MGAT4C: variants seen among roughly 807,000 people sequenced by gnomAD.
MGAT4C encodes alpha-1,3-mannosyl-glycoprotein 4-beta-N-acetylglucosaminyltransferase C.
Under a neutral mutation model 40.1 loss-of-function variants are expected in MGAT4C, and 19 were observed. That is an observed-to-expected ratio of 0.47 (90% CI 0.33 to 0.70). MGAT4C has a LOEUF of 0.70. MGAT4C is among the 30% of genes least tolerant of loss of function. The probability of loss-of-function intolerance (pLI) is 0.02; values close to 1 mark genes in which losing one functional copy is unlikely to be tolerated. For missense variants in MGAT4C, 491 were observed against 563.2 expected (o/e 0.87, Z 1.30); for synonymous variants, 181 against 187.1 (o/e 0.97, Z 0.27).
intron 1 of MGAT4C, among the ~76,000 whole-genome samples, chr12:86,255,159 T>C (rs1952465500): frequency 6.6e-6 from 1 of 152,146 alleles, no homozygotes; most frequent in Non-Finnish European, 1.5e-5. Flanking sequence ...CTAGGAGGAA[T>C]GGAGATGCTA....
chr12:86,505,296 A>G (rs1958452949), intron 2 of MGAT4C, among the ~76,000 whole-genome samples: 1 of 152,208 alleles, frequency 6.6e-6, no homozygotes, highest in Non-Finnish European at 1.5e-5. Context: ...GAATTCAGAT[A>G]CTAGTCTTCC....
At chr12:86,409,046 T>A (rs1956549101) in intron 3 of MGAT4C, among the ~76,000 whole-genome samples, 1 of 152,118 alleles carries the variant, frequency 6.6e-6, no homozygotes. Context: ...GGAAACTAAA[T>A]ATCTAAGGCA....
At chr12:86,484,908 T>C (rs141116583) in intron 2 of MGAT4C, among the ~76,000 whole-genome samples, 1 of 152,086 alleles carries the variant, frequency 6.6e-6, no homozygotes, top group Non-Finnish European at 1.5e-5. Flanking sequence ...AAATACAATA[T>C]AGCCACACAG....
At chr12:86,681,854 G>C (rs1218574905) in intron 2 of MGAT4C, among the ~76,000 whole-genome samples, 1 of 152,014 alleles carries the variant, frequency 6.6e-6, no homozygotes, top group Non-Finnish European at 1.5e-5. Context: ...TGAGCTTTCA[G>C]AGAGATTTCT....
At chr12:86,288,758 G>A (rs1953423772) in intron 4 of MGAT4C, among the ~76,000 whole-genome samples, 1 of 151,844 alleles carries the variant, frequency 6.6e-6, no homozygotes, top group Non-Finnish European at 1.5e-5. Context: ...TTTTTAATGG[G>A]GTTGTTTTTC....
intron 2 of MGAT4C, chr12:86,015,829 T>C (rs1220342237): frequency 2.0e-5 from 3 of 152,224 alleles, no homozygotes; most frequent in African/African-American, 7.2e-5. Context: ...ATTGACCAAT[T>C]ACTTTTATTT....
At chr12:86,805,038 A>T (rs1038549643) in intron 1 of MGAT4C, among the ~76,000 whole-genome samples, 1 of 151,962 alleles carries the variant, frequency 6.6e-6, no homozygotes, top group Non-Finnish European at 1.5e-5. Flanking sequence ...TTCTCTACAA[A>T]GTGTTTGTTG....
At chr12:86,107,086 T>TA (rs954118099) in intron 1 of MGAT4C, among the ~76,000 whole-genome samples, 2 of 151,778 alleles carry the variant, frequency 1.3e-5, no homozygotes, top group Non-Finnish European at 2.9e-5. Flanking sequence ...ATGAAAAAGC[T>TA]AAAAAAAAGC....
chr12:86,135,690 C>T (rs1472621610), intron 1 of MGAT4C, among the ~76,000 whole-genome samples: 3 of 152,166 alleles, frequency 2.0e-5, no homozygotes, highest in Admixed American at 6.5e-5. Context: ...AAACTACATG[C>T]TTTCCTGTGA....
At chr12:86,471,556 G>A (rs1267813913) in intron 2 of MGAT4C, among the ~76,000 whole-genome samples, 1 of 151,958 alleles carries the variant, frequency 6.6e-6, no homozygotes, top group Non-Finnish European at 1.5e-5. Context: ...ATGAGAAGTA[G>A]AGGCACAAAG....
At chr12:86,835,782 A>G (rs978005278) in intron 1 of MGAT4C, among the ~76,000 whole-genome samples, 3 of 151,874 alleles carry the variant, frequency 2.0e-5, no homozygotes, top group African/African-American at 7.2e-5. Context: ...CACATGCTCA[A>G]TGCATTATTT....
intron 1 of MGAT4C, among the ~76,000 whole-genome samples, chr12:86,089,421 C>G (rs555294072): frequency 1.8e-4 from 27 of 151,884 alleles, no homozygotes; most frequent in African/African-American, 6.3e-4. Flanking sequence ...ATAACATGTA[C>G]ATGCAGTTAT....
chr12:86,645,478 T>A (rs1963516104), intron 2 of MGAT4C, among the ~76,000 whole-genome samples: 1 of 151,708 alleles, frequency 6.6e-6, no homozygotes, highest in Non-Finnish European at 1.5e-5. Context: ...TAAAAATCAG[T>A]CACCTGTGTC....
At chr12:86,492,400 T>G (rs1958155126) in intron 2 of MGAT4C, among the ~76,000 whole-genome samples, 1 of 152,070 alleles carries the variant, frequency 6.6e-6, no homozygotes, top group South Asian at 2.1e-4. Context: ...CAAACTATAC[T>G]ACAATGTACA....
chr12:86,237,914 C>T (rs900262675), intron 1 of MGAT4C, among the ~76,000 whole-genome samples: 1 of 151,874 alleles, frequency 6.6e-6, no homozygotes, highest in African/African-American at 2.4e-5. Context: ...GTCTTGGCCT[C>T]TTGCACAAAT....
At chr12:86,407,399 A>G (rs1234580313) in intron 3 of MGAT4C, among the ~76,000 whole-genome samples, 1 of 152,098 alleles carries the variant, frequency 6.6e-6, no homozygotes, top group Non-Finnish European at 1.5e-5. Flanking sequence ...TTAACCTGTA[A>G]CTGAAGGGTG....
At position 86,077,758 on chromosome 12, in the gene MGAT4C, C is replaced by A. The variant is rs539891006; in HGVS notation, c.-56-28035G>T. ...TCCCATTGACCTTAATCACAGGGCA[C>A]GGTAATAATATGAGATTCCCTAATG... On this transcript the variant is annotated intron_variant, in intron 1 of 4. Transcript: ENST00000611864. Among the ~76,000 whole-genome samples the A allele has an allele frequency of 1.9e-3, 291 of 152,198 alleles. 2 individuals carry two copies. Among genetic ancestry groups the A allele is most frequent in the Middle Eastern group, 3.4e-3 (1 of 294 alleles).
chr12:86,261,824 G>A (rs1294876024), intron 4 of MGAT4C, among the ~76,000 whole-genome samples: 1 of 152,028 alleles, frequency 6.6e-6, no homozygotes, highest in Non-Finnish European at 1.5e-5. Flanking sequence ...ATTACAGAAT[G>A]TAAATGAAGG....
At chr12:86,706,197 T>C (rs1202321262) in intron 2 of MGAT4C, among the ~76,000 whole-genome samples, 8 of 152,124 alleles carry the variant, frequency 5.3e-5, no homozygotes. Context: ...GAAGGTAATG[T>C]AAGGAGAAAC....
Sources: allele counts gnomAD v4.1 joint callset (sites outside exome capture counted in the v4.1 genomes callset), GRCh38; gene constraint gnomAD v4.1.1; transcripts MANE v1.5; gene names NCBI Gene and HGNC (gene_info 2026-07-23, HGNC 2026-07-21).